Variants in TTC13 observed in about 807,000 individuals in gnomAD.
TTC13 encodes the protein tetratricopeptide repeat protein 13.
In TTC13, 62 loss-of-function variants were observed where a neutral mutation model predicts 120.0. The ratio of observed to expected loss-of-function variants is 0.52; its 90% confidence interval spans 0.42 to 0.64. The LOEUF (loss-of-function observed/expected upper bound fraction) is 0.64. TTC13 is among the 30% of genes least tolerant of loss of function. TTC13 has a pLI of 0.00. For missense variants in TTC13, 824 were observed against 1,050.2 expected (o/e 0.78, Z 2.98); for synonymous variants, 384 against 393.5 (o/e 0.98, Z 0.28).
At chr1:230,973,442 T>C (rs915284930) in intron 1 of TTC13, among the ~76,000 whole-genome samples, 6 of 152,256 alleles carry the variant, frequency 3.9e-5, no homozygotes, top group African/African-American at 1.4e-4. Flanking sequence ...AAACAGATTC[T>C]AAATGCCTTT....
intron 22 of TTC13, chr1:230,908,377 G>T: frequency 2.2e-6 from 1 of 461,790 alleles, no homozygotes; most frequent in South Asian, 1.6e-5. Flanking sequence ...TTGTAGAGGG[G>T]AGCAGTTTCA....
chr1:230,928,280 ATTTGT>A (rs1250578342), intron 12 of TTC13, among the ~76,000 whole-genome samples: 1 of 152,104 alleles, frequency 6.6e-6, no homozygotes, highest in East Asian at 1.9e-4. Context: ...CTCACCATTT[ATTTGT>A]TTTATCTTAG....
Position 230,940,492 on chromosome 1 carries a change from T to C in TTC13, c.737A>G (p.Gln246Arg). 1 of 1,614,008 alleles carries C rather than the reference T, an allele frequency of 6.2e-7. No homozygotes were observed. Among genetic ancestry groups the C allele is most frequent in the Non-Finnish European group, 8.5e-7 (1 of 1,179,940 alleles). Residue 246 changes from glutamine to arginine, a missense_variant, in exon 7 of 23, where the codon CAG (glutamine) becomes CGG (arginine). Coordinates refer to ENST00000366661, the MANE Select transcript of TTC13 (RefSeq NM_024525.5). The surrounding 1 kb of genome is among the most constrained non-coding windows in gnomAD (Gnocchi z 4.1). ...VNDLTKAIQL[Q>R]PSARLYRHRG... Reference sequence around the variant, plus strand: ...ATGTCTGTACAGCCGTGCTGAGGGCTGCAGTTGGATAGCTTTAGTGAGGTC... The same window carrying C: ...ATGTCTGTACAGCCGTGCTGAGGGCCGCAGTTGGATAGCTTTAGTGAGGTC...
At chr1:230,968,544 T>C (rs1677393947) in intron 1 of TTC13, among the ~76,000 whole-genome samples, 1 of 151,930 alleles carries the variant, frequency 6.6e-6, no homozygotes, top group African/African-American at 2.4e-5. Context: ...CTAACAGGTG[T>C]CTAAGGAGAG....
intron 17 of TTC13, among the ~76,000 whole-genome samples, chr1:230,917,590 T>C (rs1019936955): frequency 1.3e-5 from 2 of 152,134 alleles, no homozygotes; most frequent in African/African-American, 4.8e-5. Flanking sequence ...TAATCCTGGG[T>C]AAAGGCTAGA....
rs1558178455 is a variant in TTC13 at position 230,924,718 on chromosome 1, A to G, written c.1721+123T>C. On this transcript the variant is annotated intron_variant, in intron 14 of 22. Transcript: ENST00000366661. The stretch of plus-strand genomic sequence containing the variant: ...TTTCTAACAAACTTTAGAGAGGAAA[A>G]CCTAACTTGGAAGGCCTGGTGTTAG... 7 of 1,080,660 alleles carry G rather than the reference A, an allele frequency of 6.5e-6. 1 individual carries two copies. The highest frequency in any genetic ancestry group is 9.5e-6 in the Non-Finnish European group (7 of 736,114). The allele number at this position is 1,080,660 out of a possible 1,614,324, so 66.9% of individuals were successfully genotyped here.
rs1670988645 is a variant in TTC13 at position 230,906,925 on chromosome 1, G to A, written c.2563C>T (p.Arg855Cys). The change falls in exon 23 of 23, where the codon CGT (arginine) becomes TGT (cysteine). Residue 855 changes from arginine to cysteine, a missense_variant. By Grantham distance (180) the Arg-to-Cys change is radical. Transcript: ENST00000366661. ...CAGAACTAGAGTTTCTTAAGACAAC[G>A]TGGAGAAGAGTCTGTGTTTAGCACC... ...IEVLNTDSSP[R>C]CLKKL 4 of 1,515,746 alleles carry A rather than the reference G, an allele frequency of 2.6e-6. No homozygotes were observed. The highest frequency in any genetic ancestry group is 2.6e-6 in the Non-Finnish European group (3 of 1,138,648). 93.9% of individuals were successfully genotyped at this position (1,515,746 alleles called of 1,614,324 possible).
chr1:230,975,606 T>C (rs1678212546), intron 1 of TTC13, among the ~76,000 whole-genome samples: 1 of 152,256 alleles, frequency 6.6e-6, no homozygotes, highest in Admixed American at 6.5e-5. Context: ...ATAATATTTT[T>C]TCTCTACAAG....
At chr1:230,972,799 G>A (rs1037976163) in intron 1 of TTC13, among the ~76,000 whole-genome samples, 6 of 152,212 alleles carry the variant, frequency 3.9e-5, no homozygotes, top group East Asian at 1.9e-4. Context: ...ACAGATATAC[G>A]TGAAAAAGCG....
intron 15 of TTC13, 101 bp downstream of exon 15, chr1:230,923,740 A>T: frequency 1.1e-6 from 1 of 950,686 alleles, no homozygotes; most frequent in Non-Finnish European, 1.6e-6. Flanking sequence ...CTGGTCAAAA[A>T]GTCACCAGGA....
chr1:230,920,573 C>T lies in TTC13; in HGVS notation c.1920G>A (p.Leu640=), dbSNP rs770982639. The T allele has an allele frequency of 1.9e-6, 3 of 1,594,758 alleles. No homozygotes were observed. Residue 640 remains leucine (L), a synonymous_variant, in exon 17 of 23, where the codon TTG becomes TTA. Coordinates refer to ENST00000366661, the MANE Select transcript of TTC13 (RefSeq NM_024525.5). The part of the protein sequence containing the change: ...VYHGANNPKG[L]LEVREALEKV... The stretch of plus-strand genomic sequence containing the variant: ...TTTCCAGGGCTTCCCGAACTTCCAG[C>T]AATCCTTTAGGATTATTAGCTCTTA...
chr1:230,944,363 C>T lies in TTC13; in HGVS notation c.580-465G>A, dbSNP rs1352164001. On this transcript the variant is annotated intron_variant, in intron 5 of 22. Transcript: ENST00000366661. The surrounding 1 kb of genome is among the most constrained non-coding windows in gnomAD (Gnocchi z 4.0). Reference sequence around the variant, plus strand: ...CTTTAACATTTGCACATTATTTTTACATTAAAAATGCATGTGCAACTTTTT... The same window carrying T: ...CTTTAACATTTGCACATTATTTTTATATTAAAAATGCATGTGCAACTTTTT... Among the ~76,000 whole-genome samples the T allele has an allele frequency of 6.6e-6, 1 of 152,198 alleles. No individual in the cohort carries two copies. The highest frequency in any genetic ancestry group is 2.4e-5 in the African/African-American group (1 of 41,436).
At chr1:230,908,152 T>G (rs1489263658) in intron 22 of TTC13, among the ~76,000 whole-genome samples, 1 of 152,212 alleles carries the variant, frequency 6.6e-6, no homozygotes, top group East Asian at 1.9e-4. Flanking sequence ...AATAAGACTT[T>G]GGTAATTTTC....
intron 1 of TTC13, among the ~76,000 whole-genome samples, chr1:230,969,799 T>C (rs1677538059): frequency 6.6e-6 from 1 of 152,218 alleles, no homozygotes. Flanking sequence ...ACAGGGCTAC[T>C]GTGAAGAATA....
chr1:230,920,519 C>T lies in TTC13; in HGVS notation c.1974G>A (p.Pro658=), dbSNP rs754742666. The part of the protein sequence containing the change: ...EKVHKVEDLL[P]IMKQFNTKTK... ...CTGATGCTAAAGTTACCTTCATAATCGGAAGAAGGTCTTCTACTTTGTGTA... is the reference window on the plus strand; with the variant it reads ...CTGATGCTAAAGTTACCTTCATAATTGGAAGAAGGTCTTCTACTTTGTGTA... The change falls in exon 17 of 23, where the codon CCG becomes CCA. Residue 658 remains proline, a synonymous_variant. Coordinates refer to ENST00000366661, the MANE Select transcript of TTC13 (RefSeq NM_024525.5). The T allele has an allele frequency of 4.3e-6, 7 of 1,610,916 alleles. No individual in the cohort carries two copies. The highest frequency in any genetic ancestry group is 5.9e-6 in the Non-Finnish European group (7 of 1,178,042).
chr1:230,948,166 A>G (rs1250146390), intron 4 of TTC13, among the ~76,000 whole-genome samples: 1 of 152,206 alleles, frequency 6.6e-6, no homozygotes, highest in African/African-American at 2.4e-5. Flanking sequence ...CAAACTTTTT[A>G]AACTCCAAAT....
At position 230,931,878 on chromosome 1, in the gene TTC13, C is replaced by T; in HGVS notation, c.984-1G>A. 7 of 1,613,856 alleles carry T rather than the reference C, an allele frequency of 4.3e-6. No homozygotes were observed. Among genetic ancestry groups the T allele is most frequent in the Non-Finnish European group, 5.1e-6 (6 of 1,179,866 alleles). On this transcript the variant is annotated splice_acceptor_variant, in intron 9 of 22. Transcript: ENST00000366661. LOFTEE classifies it high-confidence loss of function. Reference sequence around the variant, plus strand: ...GGCTGCTTCAAAATTGCCCAGTTCTCTAGGTATTTAATAATAGTTATGAAT... The same window carrying T: ...GGCTGCTTCAAAATTGCCCAGTTCTTTAGGTATTTAATAATAGTTATGAAT...
chr1:230,914,281 A>G (rs1346692828), intron 18 of TTC13, among the ~76,000 whole-genome samples: 2 of 152,186 alleles, frequency 1.3e-5, no homozygotes, highest in African/African-American at 4.8e-5. Flanking sequence ...CAGCAAGACC[A>G]ACCCCTCCGT....
At position 230,978,535 on chromosome 1, in the gene TTC13, C is replaced by T. The variant is rs1678618903; in HGVS notation, c.271+25G>A. ...CGCTGCCCCGCCGCCCCGGCCGACT[C>T]GGACGCCCGCCGCCGCCCACTCACC... On this transcript the variant is annotated intron_variant, in intron 1 of 22. Coordinates refer to ENST00000366661, the MANE Select transcript of TTC13 (RefSeq NM_024525.5). The surrounding 1 kb of genome is among the most constrained non-coding windows in gnomAD (Gnocchi z 5.6). 4 of 829,376 alleles carry T rather than the reference C, an allele frequency of 4.8e-6. No individual in the cohort carries two copies. Among genetic ancestry groups the T allele is most frequent in the Admixed American group, 8.8e-5 (2 of 22,690 alleles). The allele number at this position is 829,376 out of a possible 1,614,324, so 51.4% of individuals were successfully genotyped here.
Sources: gnomAD v4.1 joint callset for allele counts (sites outside exome capture counted in the v4.1 genomes callset) on GRCh38, gnomAD v4.1.1 for gene constraint, Gnocchi (gnomAD v3.1) non-coding constraint, MANE v1.5 for transcripts, NCBI Gene and HGNC (gene_info 2026-07-23, HGNC 2026-07-21) for gene names.